LRRC20: variants seen among roughly 807,000 people sequenced by gnomAD.
The protein encoded by LRRC20 is leucine rich repeat containing 20.
Under a neutral mutation model 14.4 loss-of-function variants are expected in LRRC20, and 11 were observed. That is an observed-to-expected ratio of 0.77 (90% CI 0.48 to 1.27). The LOEUF is 1.27. Ranked by LOEUF, LRRC20 falls within the 50% of genes most tolerant of loss-of-function variation. LRRC20 has a pLI of 0.00. For missense variants in LRRC20, 219 were observed against 251.2 expected (o/e 0.87, Z 0.87); for synonymous variants, 121 against 107.3 (o/e 1.13, Z -0.79).
chr10:70,374,446 G>A (rs2137169765), intron 2 of LRRC20, among the ~76,000 whole-genome samples: 2 of 151,516 alleles, frequency 1.3e-5, no homozygotes, highest in South Asian at 4.2e-4. Context: ...CATCTCCTGG[G>A]TTCAGGCGAT....
chr10:70,313,403 C>G (rs1040965327), intron 4 of LRRC20, among the ~76,000 whole-genome samples: 1 of 152,026 alleles, frequency 6.6e-6, no homozygotes, highest in African/African-American at 2.4e-5. Context: ...GTGGTGCACA[C>G]CTGGGGCAGA....
At chr10:70,314,120 C>T (rs1274987678) in intron 4 of LRRC20, among the ~76,000 whole-genome samples, 1 of 152,182 alleles carries the variant, frequency 6.6e-6, no homozygotes, top group Non-Finnish European at 1.5e-5. Context: ...AAACCACCCC[C>T]ATGATTCAAT....
At position 70,340,794 on chromosome 10, in the gene LRRC20, C is replaced by T. The variant is rs142533849; in HGVS notation, c.83-92G>A. Reference sequence around the variant, plus strand: ...TCACACAGACCCCACCTCCATGCCCCCTTCCAGCCTCCTTGCCCTCCCACC... The same window carrying T: ...TCACACAGACCCCACCTCCATGCCCTCTTCCAGCCTCCTTGCCCTCCCACC... On this transcript the variant is annotated intron_variant, in intron 2 of 4. Transcript: ENST00000446961. The T allele has an allele frequency of 1.1e-4, 156 of 1,364,914 alleles. No individual in the cohort carries two copies. In the Admixed American group the frequency reaches 2.9e-3, roughly 25 times the overall value. 84.6% of individuals were successfully genotyped at this position (1,364,914 alleles called of 1,614,324 possible).
chr10:70,337,734 GTCCATACCCGTA>G (rs1488440807), intron 3 of LRRC20, among the ~76,000 whole-genome samples: 4 of 152,290 alleles, frequency 2.6e-5, no homozygotes, highest in African/African-American at 9.6e-5. Flanking sequence ...CCAGCATTTT[GTCCATACCCGTA>G]TCACAGCACT....
intron 1 of LRRC20, among the ~76,000 whole-genome samples, chr10:70,379,594 G>T (rs1226084286): frequency 1.3e-5 from 2 of 152,196 alleles, no homozygotes; most frequent in Non-Finnish European, 2.9e-5. Context: ...TCCGACTTGC[G>T]ATTCTGATGA....
intron 2 of LRRC20, among the ~76,000 whole-genome samples, chr10:70,362,936 G>A (rs1843802118): frequency 6.6e-6 from 1 of 152,050 alleles, no homozygotes; most frequent in South Asian, 2.1e-4. Flanking sequence ...CGTGAGGGTG[G>A]AGCCCCCATG....
chr10:70,349,005 G>C (rs1843182157), intron 2 of LRRC20, among the ~76,000 whole-genome samples: 1 of 151,990 alleles, frequency 6.6e-6, no homozygotes, highest in African/African-American at 2.4e-5. Context: ...CTGGGGGCCA[G>C]GTCCCACTAG....
chr10:70,380,155 C>G (rs1264560635), intron 1 of LRRC20, among the ~76,000 whole-genome samples: 1 of 152,146 alleles, frequency 6.6e-6, no homozygotes, highest in Non-Finnish European at 1.5e-5. Flanking sequence ...CCACTGGTGG[C>G]AAGTTCAGAC....
chr10:70,376,675 C>G (rs893378592), intron 1 of LRRC20, 79 bp from the exon 2 acceptor site: 1 of 729,532 alleles, frequency 1.4e-6, no homozygotes, highest in Non-Finnish European at 2.3e-6. Context: ...GCATCCTTCT[C>G]CCCCAGGACC....
At chr10:70,352,411 TA>T (rs367847102) in intron 2 of LRRC20, among the ~76,000 whole-genome samples, 2,592 of 152,032 alleles carry the variant, frequency 0.017, 96 homozygotes, top group African/African-American at 0.059. Flanking sequence ...TAAAAACTGC[TA>T]AAAAAAATGT....
intron 4 of LRRC20, among the ~76,000 whole-genome samples, chr10:70,311,590 C>G (rs1178965483): frequency 1.3e-5 from 2 of 152,268 alleles, no homozygotes; most frequent in Admixed American, 6.5e-5. Flanking sequence ...TTACTTCTAT[C>G]TCTTTGAGCC....
chr10:70,336,666 T>C (rs900795781), intron 3 of LRRC20, among the ~76,000 whole-genome samples: 19 of 152,220 alleles, frequency 1.2e-4, no homozygotes, highest in Non-Finnish European at 2.6e-4. Context: ...CTTCCCTTTT[T>C]TCCACTCTAC....
intron 1 of LRRC20, among the ~76,000 whole-genome samples, chr10:70,379,217 A>C (rs1385395155): frequency 6.6e-6 from 1 of 152,232 alleles, no homozygotes; most frequent in Non-Finnish European, 1.5e-5. Context: ...CAATCTGCAT[A>C]AGGCGAGCCA....
intron 4 of LRRC20, among the ~76,000 whole-genome samples, chr10:70,313,069 C>T (rs570738434): frequency 6.6e-6 from 1 of 152,348 alleles, no homozygotes; most frequent in Non-Finnish European, 1.5e-5. Context: ...GAGTCCCCTG[C>T]ACGCATATCT....
At chr10:70,338,532 G>A (rs185035027) in intron 3 of LRRC20, among the ~76,000 whole-genome samples, 2 of 152,330 alleles carry the variant, frequency 1.3e-5, no homozygotes, top group East Asian at 3.9e-4. Flanking sequence ...CCATTTCCCA[G>A]TTGATAGACA....
chr10:70,352,267 A>G (rs1233496909), intron 2 of LRRC20, among the ~76,000 whole-genome samples: 1 of 152,188 alleles, frequency 6.6e-6, no homozygotes, highest in African/African-American at 2.4e-5. Flanking sequence ...TCTGAAACGC[A>G]ATACCAATAC....
intron 4 of LRRC20, among the ~76,000 whole-genome samples, chr10:70,317,068 A>G (rs1841891385): frequency 6.6e-6 from 1 of 152,230 alleles, no homozygotes; most frequent in Admixed American, 6.5e-5. Flanking sequence ...GAGGGAACAA[A>G]TCAACATCCC....
At position 70,300,757 on chromosome 10, in the gene LRRC20, A is replaced by C. The variant is rs1321354040; in HGVS notation, c.*597T>G. The C allele has an allele frequency of 1.0e-6, 1 of 985,512 alleles. No homozygotes were observed. Among genetic ancestry groups the C allele is most frequent in the East Asian group, 1.1e-4 (1 of 8,808 alleles). 61.0% of individuals were successfully genotyped at this position (985,512 alleles called of 1,614,324 possible). ...TTGCCCTGCAGCAGTGCCAGCCCAT[A>C]TTCCCACCACAGCTCTCCCAGGACT... is the stretch of plus-strand genomic sequence containing the variant. On this transcript the variant is annotated 3_prime_UTR_variant, in exon 5 of 5. Coordinates refer to ENST00000446961, the MANE Select transcript of LRRC20 (RefSeq NM_001278212.2).
chr10:70,374,063 C>A (rs1276942576), intron 2 of LRRC20, among the ~76,000 whole-genome samples: 2 of 152,316 alleles, frequency 1.3e-5, no homozygotes, highest in African/African-American at 4.8e-5. Flanking sequence ...CTCCTCAACA[C>A]AGCCTTCCAG....
Sources: allele counts gnomAD v4.1 joint callset (sites outside exome capture counted in the v4.1 genomes callset), GRCh38; gene constraint gnomAD v4.1.1; transcripts MANE v1.5; gene names NCBI Gene and HGNC (gene_info 2026-07-23, HGNC 2026-07-21).